ADGRB3: variants seen among roughly 807,000 people sequenced by gnomAD.
The protein encoded by ADGRB3 is brain-specific angiogenesis inhibitor 3.
ADGRB3 carries 37 observed loss-of-function variants against 193.4 expected under a neutral mutation model. The ratio of observed to expected loss-of-function variants is 0.19; its 90% confidence interval spans 0.15 to 0.25. ADGRB3 has a LOEUF of 0.25. Among genes scored for constraint, ADGRB3 ranks in the 10% least tolerant of loss-of-function variants. The pLI is 1.00. For synonymous variants in ADGRB3, 690 were observed against 644.2 expected (o/e 1.07, Z -1.08); for missense variants, 1,637 against 1,852.9 (o/e 0.88, Z 2.14).
intron 15 of ADGRB3, among the ~76,000 whole-genome samples, chr6:69,050,237 C>T (rs929668827): frequency 2.0e-5 from 3 of 150,390 alleles, no homozygotes; most frequent in African/African-American, 7.3e-5. Context: ...AAAAAAAAAT[C>T]ACCCAAGGAA....
intron 17 of ADGRB3, among the ~76,000 whole-genome samples, chr6:69,202,104 T>A (rs998821108): frequency 6.6e-6 from 1 of 152,156 alleles, no homozygotes; most frequent in Admixed American, 6.6e-5. Flanking sequence ...GAAGTTGAAG[T>A]CACTCTTATC....
chr6:69,029,971 A>G (rs892739031), intron 13 of ADGRB3, among the ~76,000 whole-genome samples: 2 of 100,112 alleles, frequency 2.0e-5, no homozygotes, highest in African/African-American at 5.0e-5. Flanking sequence ...TATGATATAT[A>G]GAATGCACAC....
At chr6:68,864,193 A>G (rs184319119) in intron 3 of ADGRB3, among the ~76,000 whole-genome samples, 64 of 152,340 alleles carry the variant, frequency 4.2e-4, no homozygotes, top group African/African-American at 1.3e-3. Context: ...TGTAATACTT[A>G]TTGGACTGCC....
At chr6:68,968,806 T>C (rs972223527) in intron 8 of ADGRB3, among the ~76,000 whole-genome samples, 1 of 152,184 alleles carries the variant, frequency 6.6e-6, no homozygotes, top group African/African-American at 2.4e-5. Context: ...TATAATAGTT[T>C]TTGGTTGGCA....
At chr6:68,893,655 T>C (rs192515029) in intron 3 of ADGRB3, among the ~76,000 whole-genome samples, 28 of 152,060 alleles carry the variant, frequency 1.8e-4, no homozygotes, top group African/African-American at 6.5e-4. Flanking sequence ...CTATAAGTAT[T>C]ATGCTTTTAT....
At chr6:68,958,668 CA>C (rs1768145516) in intron 8 of ADGRB3, among the ~76,000 whole-genome samples, 1 of 151,716 alleles carries the variant, frequency 6.6e-6, no homozygotes, top group Non-Finnish European at 1.5e-5. Flanking sequence ...AAAAAAATAT[CA>C]CATAAAACTA....
chr6:68,919,720 C>A (rs895453474), intron 3 of ADGRB3, among the ~76,000 whole-genome samples: 3 of 152,172 alleles, frequency 2.0e-5, no homozygotes, highest in Non-Finnish European at 4.4e-5. Flanking sequence ...GGGATAATGT[C>A]AAATCCTGAA....
intron 3 of ADGRB3, among the ~76,000 whole-genome samples, chr6:68,675,194 C>A (rs745545909): frequency 7.2e-5 from 11 of 152,116 alleles, no homozygotes; most frequent in African/African-American, 2.4e-4. Flanking sequence ...AGTAAGATAT[C>A]CTCCATCCTC....
chr6:69,105,447 C>G (rs558189994), intron 17 of ADGRB3, among the ~76,000 whole-genome samples: 1 of 152,250 alleles, frequency 6.6e-6, no homozygotes, highest in South Asian at 2.1e-4. Context: ...AGCTATTTCC[C>G]TATTTCCTGC....
intron 17 of ADGRB3, among the ~76,000 whole-genome samples, chr6:69,188,911 A>T (rs979469045): frequency 6.6e-6 from 1 of 152,148 alleles, no homozygotes; most frequent in African/African-American, 2.4e-5. Context: ...GCCTTTTTAT[A>T]TGTATCTGCA....
intron 26 of ADGRB3, among the ~76,000 whole-genome samples, chr6:69,343,742 C>CA (rs556044642): frequency 6.0e-5 from 9 of 149,810 alleles, no homozygotes; most frequent in Admixed American, 3.3e-4. Flanking sequence ...GAAATAAGAA[C>CA]AAAAAAAAAG....
chr6:68,969,833 G>A (rs1378291512), intron 8 of ADGRB3, among the ~76,000 whole-genome samples: 2 of 152,118 alleles, frequency 1.3e-5, no homozygotes, highest in Non-Finnish European at 2.9e-5. Flanking sequence ...TCTCCTCCAC[G>A]GCATTGGCCA....
intron 3 of ADGRB3, among the ~76,000 whole-genome samples, chr6:68,642,613 C>A (rs192094254): frequency 3.3e-5 from 5 of 151,798 alleles, no homozygotes; most frequent in Admixed American, 2.6e-4. Context: ...TTTAAAATTT[C>A]TTGTTTAAGA....
At chr6:69,276,187 C>T (rs1321390993) in intron 20 of ADGRB3, among the ~76,000 whole-genome samples, 2 of 152,158 alleles carry the variant, frequency 1.3e-5, no homozygotes, top group African/African-American at 2.4e-5. Flanking sequence ...TGGAATTTAG[C>T]GTATTTCTGT....
chr6:68,686,118 G>A (rs528258950), intron 3 of ADGRB3, among the ~76,000 whole-genome samples: 8 of 152,292 alleles, frequency 5.3e-5, no homozygotes, highest in African/African-American at 1.9e-4. Flanking sequence ...GGATTGTAAG[G>A]TGGACACCTG....
chr6:69,352,804 G>T (rs1398615206), intron 26 of ADGRB3, among the ~76,000 whole-genome samples: 2 of 152,090 alleles, frequency 1.3e-5, no homozygotes, highest in Non-Finnish European at 2.9e-5. Context: ...TGGCCAACAG[G>T]TATATTATGA....
chr6:69,248,365 T>G (rs1463478036), intron 20 of ADGRB3, among the ~76,000 whole-genome samples: 2 of 152,166 alleles, frequency 1.3e-5, no homozygotes, highest in East Asian at 3.8e-4. Flanking sequence ...TGAAAAGCCC[T>G]TGAGATAAGA....
intron 3 of ADGRB3, among the ~76,000 whole-genome samples, chr6:68,836,820 T>G (rs1379763384): frequency 6.6e-6 from 1 of 152,084 alleles, no homozygotes; most frequent in East Asian, 1.9e-4. Flanking sequence ...TGAGACTCCA[T>G]CTCTATTTTA....
chr6:69,354,333 GTT>G lies in ADGRB3; in HGVS notation c.3555+9_3555+10del, dbSNP rs542664193. 65 of 1,605,444 alleles carry G rather than the reference GTT, an allele frequency of 4.0e-5. No homozygotes were observed. The African/African-American group carries it at 7.4e-4, about 18-fold the overall frequency. On this transcript the variant is annotated splice_donor_region_variant and intron_variant, in intron 27 of 31. Transcript: ENST00000370598. ...AATGGGCATGCTCAAATCATGGTGA[GTT>G]TTTATTTTTCCCCGATTGTTAATTA...
Sources: gnomAD v4.1 joint callset for allele counts (sites outside exome capture counted in the v4.1 genomes callset) on GRCh38, gnomAD v4.1.1 for gene constraint, MANE v1.5 for transcripts, NCBI Gene and HGNC (gene_info 2026-07-23, HGNC 2026-07-21) for gene names.